DCHS2: variants seen among roughly 807,000 people sequenced by gnomAD.
DCHS2 encodes the protein dachsous cadherin-related 2.
DCHS2 carries 142 observed loss-of-function variants against 182.4 expected under a neutral mutation model. That is an observed-to-expected ratio of 0.78 (90% CI 0.68 to 0.89). DCHS2 has a LOEUF of 0.89. DCHS2 is among the 40% of genes least tolerant of loss of function. The probability of loss-of-function intolerance (pLI) is 0.00; values close to 1 mark genes in which losing one functional copy is unlikely to be tolerated. For synonymous variants in DCHS2, 1,740 were observed against 1,663.3 expected (o/e 1.05, Z -1.12); for missense variants, 4,319 against 4,198.6 (o/e 1.03, Z -0.79).
chr4:154,317,819 T>C (rs963989639), intron 9 of DCHS2, among the ~76,000 whole-genome samples: 11 of 152,320 alleles, frequency 7.2e-5, no homozygotes, highest in African/African-American at 2.6e-4. Flanking sequence ...GTGAGTGACA[T>C]TTCTGCAGAG....
intron 1 of DCHS2, among the ~76,000 whole-genome samples, chr4:154,400,759 C>G (rs1030551152): frequency 6.6e-6 from 1 of 152,162 alleles, no homozygotes; most frequent in Non-Finnish European, 1.5e-5. Context: ...CCCTCCCTCT[C>G]TCTCATGTAA....
At chr4:154,446,907 C>G (rs1734318322) in intron 1 of DCHS2, among the ~76,000 whole-genome samples, 1 of 152,220 alleles carries the variant, frequency 6.6e-6, no homozygotes, top group South Asian at 2.1e-4. Context: ...AGTGGACACA[C>G]TTCACCTGTG....
Position 154,329,503 on chromosome 4 carries a change from T to G in DCHS2, c.3918+20A>C, listed in dbSNP as rs747610063. ...ATGACTTAAGATATTACAAATTCAT[T>G]GCAAGGTTTCTTCACAAACCTTCAC... On this transcript the variant is annotated intron_variant, in intron 6 of 19. Coordinates refer to ENST00000357232, the MANE Select transcript of DCHS2 (RefSeq NM_001358235.2). 1.9e-6 allele frequency: 3 copies of G among 1,605,010 alleles called. No individual in the cohort carries two copies. In the East Asian group the frequency reaches 6.7e-5, roughly 36 times the overall value.
intron 2 of DCHS2, among the ~76,000 whole-genome samples, chr4:154,371,048 G>T (rs1354262043): frequency 2.0e-5 from 3 of 152,118 alleles, no homozygotes; most frequent in African/African-American, 4.8e-5. Context: ...GACAATCCTT[G>T]GAAATGAGAA....
intron 10 of DCHS2, among the ~76,000 whole-genome samples, chr4:154,314,157 T>C (rs1437451055): frequency 6.6e-6 from 1 of 152,196 alleles, no homozygotes; most frequent in Non-Finnish European, 1.5e-5. Flanking sequence ...GGAAGCATTT[T>C]ACATACCTTA....
At chr4:154,478,771 T>G (rs976428715) in intron 1 of DCHS2, among the ~76,000 whole-genome samples, 15 of 152,132 alleles carry the variant, frequency 9.9e-5, no homozygotes, top group African/African-American at 3.4e-4. Context: ...AAAACAGAAC[T>G]GAAATGGGGC....
In DCHS2 at chr4:154,332,489, T is replaced by C. The variant is rs1284353403; in HGVS notation, c.3719A>G (p.Asn1240Ser). Residue 1240 changes from asparagine (N) to serine (S), a missense_variant, in exon 5 of 20, where the codon AAT becomes AGT. Transcript: ENST00000357232. ...LLSDGKFFKM[N>S]PNTGELINWV... ...CTATGAAGTGCTACCTGTATTAGGA[T>C]TCATCTTGAAGAATTTTCCATCAGA... 1 of 1,612,032 alleles carries C rather than the reference T, an allele frequency of 6.2e-7. No individual in the cohort carries two copies. Among genetic ancestry groups the C allele is most frequent in the Non-Finnish European group, 8.5e-7 (1 of 1,178,848 alleles).
At chr4:154,360,559 G>T (rs1197296089) in intron 3 of DCHS2, among the ~76,000 whole-genome samples, 5 of 152,102 alleles carry the variant, frequency 3.3e-5, no homozygotes, top group Admixed American at 3.3e-4. Context: ...ATGAAATGAG[G>T]TGTGGTATTA....
intron 1 of DCHS2, among the ~76,000 whole-genome samples, chr4:154,414,279 A>G (rs1326202785): frequency 6.6e-6 from 1 of 151,964 alleles, no homozygotes; most frequent in Non-Finnish European, 1.5e-5. Flanking sequence ...ACACTAGCTC[A>G]GTTACTAATC....
At chr4:154,368,478 A>T (rs867330983) in intron 2 of DCHS2, among the ~76,000 whole-genome samples, 2 of 152,172 alleles carry the variant, frequency 1.3e-5, no homozygotes, top group African/African-American at 4.8e-5. Flanking sequence ...TGTAAAAAAT[A>T]AGCAAATGTT....
chr4:154,437,044 C>T (rs1371017463), intron 1 of DCHS2, among the ~76,000 whole-genome samples: 3 of 152,162 alleles, frequency 2.0e-5, no homozygotes, highest in Admixed American at 6.6e-5. Flanking sequence ...CGGTGGCTCA[C>T]ACTACATTTC....
intron 1 of DCHS2, among the ~76,000 whole-genome samples, chr4:154,386,685 G>A (rs570664223): frequency 6.6e-6 from 1 of 152,230 alleles, no homozygotes; most frequent in South Asian, 2.1e-4. Context: ...TAGCACTGGT[G>A]CCTAGTTCAT....
chr4:154,335,506 AAAC>A (rs1222771600), intron 3 of DCHS2, among the ~76,000 whole-genome samples: 1 of 152,178 alleles, frequency 6.6e-6, no homozygotes, highest in African/African-American at 2.4e-5. Flanking sequence ...CTTCAGCCTC[AAAC>A]TATACGACTG....
chr4:154,459,668 G>A (rs1734924378), intron 1 of DCHS2, among the ~76,000 whole-genome samples: 1 of 151,994 alleles, frequency 6.6e-6, no homozygotes. Flanking sequence ...AGGAGACTGA[G>A]GGCCAAAGGA....
At chr4:154,359,111 G>C (rs1031059758) in intron 3 of DCHS2, among the ~76,000 whole-genome samples, 13 of 152,024 alleles carry the variant, frequency 8.6e-5, no homozygotes, top group Non-Finnish European at 1.9e-4. Flanking sequence ...TTAACCACCA[G>C]TGCAGGGACA....
chr4:154,454,952 C>T (rs148419165), intron 1 of DCHS2, among the ~76,000 whole-genome samples: 382 of 152,320 alleles, frequency 2.5e-3, no homozygotes, highest in African/African-American at 8.6e-3. Context: ...TCTAACTATT[C>T]CTTGTCAAAA....
At chr4:154,341,615 T>TAC (rs1213584032) in intron 3 of DCHS2, among the ~76,000 whole-genome samples, 1 of 151,258 alleles carries the variant, frequency 6.6e-6, no homozygotes, top group Non-Finnish European at 1.5e-5. Flanking sequence ...CATATATATA[T>TAC]ACACACACAT....
intron 6 of DCHS2, among the ~76,000 whole-genome samples, chr4:154,328,772 T>G (rs997321199): frequency 3.3e-5 from 5 of 152,190 alleles, no homozygotes; most frequent in Non-Finnish European, 5.9e-5. Flanking sequence ...TTGTTAGAAT[T>G]TTTCTTTAAA....
At chr4:154,330,795 T>A (rs748402445) in intron 5 of DCHS2, among the ~76,000 whole-genome samples, 1 of 152,252 alleles carries the variant, frequency 6.6e-6, no homozygotes, top group African/African-American at 2.4e-5. Flanking sequence ...ATATAAACTA[T>A]ATTTATAGTG....
Sources: gnomAD v4.1 joint callset for allele counts (sites outside exome capture counted in the v4.1 genomes callset) on GRCh38, gnomAD v4.1.1 for gene constraint, MANE v1.5 for transcripts, NCBI Gene and HGNC (gene_info 2026-07-23, HGNC 2026-07-21) for gene names.